Variants in E2F3 observed in about 807,000 individuals in gnomAD.
The protein encoded by E2F3 is E2F transcription factor 3.
A neutral mutation model predicts 44.4 loss-of-function variants in E2F3; 11 were observed. The ratio of observed to expected loss-of-function variants is 0.25; its 90% CI spans 0.16 to 0.41. The LOEUF (loss-of-function observed/expected upper bound fraction) is 0.41, where lower values mean the gene tolerates loss of function less well. Among genes scored for constraint, E2F3 ranks in the 10% least tolerant of loss-of-function variants. E2F3 has a pLI of 1.00. For synonymous variants in E2F3, 249 were observed against 253.0 expected, an observed-to-expected ratio of 0.98 and a Z score of 0.15; for missense variants, 487 against 583.6, an observed-to-expected ratio of 0.83 and a Z score of 1.70.
chr6:20,465,466 T>C (rs947189271), intron 1 of E2F3, among the ~76,000 whole-genome samples: 1 of 152,104 alleles, frequency 6.6e-6, no homozygotes, highest in African/African-American at 2.4e-5. Context: ...TTCATCCCAA[T>C]TTTTTTTATT....
chr6:20,491,190 T>C lies in E2F3; in HGVS notation c.*760T>C, dbSNP rs973866112. 4.3e-6 allele frequency: 1 copy of C among 232,840 alleles called. No homozygotes were observed. The highest frequency in any genetic ancestry group is 8.5e-6 in the Non-Finnish European group (1 of 117,492). 14.4% of individuals were successfully genotyped at this position (232,840 alleles called of 1,614,324 possible). ...CCCCAATGTGTTTGTGAGTTTCCAGTTGATTTGTAGCAAATGCCTACTTAG... is the reference window on the plus strand; with the variant it reads ...CCCCAATGTGTTTGTGAGTTTCCAGCTGATTTGTAGCAAATGCCTACTTAG... On this transcript the variant is annotated 3_prime_UTR_variant, in exon 7 of 7. Coordinates refer to ENST00000346618, the MANE Select transcript of E2F3 (RefSeq NM_001949.5).
chr6:20,443,042 G>C (rs537350163), intron 1 of E2F3, among the ~76,000 whole-genome samples: 3 of 152,218 alleles, frequency 2.0e-5, no homozygotes, highest in African/African-American at 7.2e-5. Context: ...TGGCTCATGG[G>C]CACCACCATC....
intron 3 of E2F3, among the ~76,000 whole-genome samples, chr6:20,482,034 C>T (rs1762239433): frequency 6.6e-6 from 1 of 152,098 alleles, no homozygotes; most frequent in Admixed American, 6.6e-5. Flanking sequence ...TAAATAGCCA[C>T]TATAAGCACA....
chr6:20,452,051 G>A (rs755234208), intron 1 of E2F3, among the ~76,000 whole-genome samples: 10 of 152,150 alleles, frequency 6.6e-5, no homozygotes, highest in Admixed American at 1.3e-4. Flanking sequence ...GGTATAAGGA[G>A]GATGCTAGCC....
chr6:20,449,424 A>G (rs574003439), intron 1 of E2F3, among the ~76,000 whole-genome samples: 117 of 152,318 alleles, frequency 7.7e-4, no homozygotes, highest in African/African-American at 2.7e-3. Flanking sequence ...TTGTTTTTAC[A>G]TGGAATCATA....
intron 3 of E2F3, 120 bp downstream of exon 3, chr6:20,481,545 T>C: frequency 1.2e-6 from 1 of 866,164 alleles, no homozygotes; most frequent in Non-Finnish European, 1.8e-6. Context: ...TCCTACTGTT[T>C]TCTTCTCTCT....
At chr6:20,445,156 G>C in intron 1 of E2F3, 1 of 985,162 alleles carries the variant, frequency 1.0e-6, no homozygotes, top group Non-Finnish European at 1.2e-6. Context: ...TGGCAGCAGC[G>C]CCTTGTACTT....
In E2F3 at chr6:20,402,168, A is replaced by G; in HGVS notation, c.-65A>G. 1 of 1,489,090 alleles carries G rather than the reference A, an allele frequency of 6.7e-7. No homozygotes were observed. The highest frequency in any genetic ancestry group is 1.4e-5 in the South Asian group (1 of 72,164). The allele number at this position is 1,489,090 out of a possible 1,614,324, so 92.2% of individuals were successfully genotyped here. A position where few individuals can be genotyped will look rare whatever the true frequency, so the allele number is the denominator to read the frequency against. On this transcript the variant is annotated 5_prime_UTR_variant, in exon 1 of 7. Transcript: ENST00000346618. The surrounding 1 kb of genome is among the most constrained non-coding windows in gnomAD (Gnocchi z 5.6). ...GAGAGACTTGGAAACTCCGACTGCA[A>G]ATAATAAAGAAATTGAAAACAATAC...
chr6:20,431,254 G>T (rs373504277), intron 1 of E2F3, among the ~76,000 whole-genome samples: 1 of 152,222 alleles, frequency 6.6e-6, no homozygotes, highest in African/African-American at 2.4e-5. Context: ...CCTCAAATGG[G>T]TCCATTGCAG....
At chr6:20,441,725 A>ATTTTT (rs70990031) in intron 1 of E2F3, among the ~76,000 whole-genome samples, 2 of 119,362 alleles carry the variant, frequency 1.7e-5, no homozygotes, top group African/African-American at 3.1e-5. Context: ...CGCGTGGGTA[A>ATTTTT]TTTTTTTTTT....
chr6:20,463,076 C>T (rs1423363693), intron 1 of E2F3, among the ~76,000 whole-genome samples: 2 of 151,640 alleles, frequency 1.3e-5, no homozygotes, highest in East Asian at 3.9e-4. Context: ...GTGTGCACCA[C>T]CAGACTTGGC....
At chr6:20,454,640 A>G (rs1430376204) in intron 1 of E2F3, among the ~76,000 whole-genome samples, 1 of 152,176 alleles carries the variant, frequency 6.6e-6, no homozygotes, top group Non-Finnish European at 1.5e-5. Flanking sequence ...GGTTTCTATA[A>G]TATGCTAAGG....
chr6:20,425,926 A>G (rs1358791282), intron 1 of E2F3, among the ~76,000 whole-genome samples: 1 of 152,224 alleles, frequency 6.6e-6, no homozygotes, highest in Non-Finnish European at 1.5e-5. Flanking sequence ...GAACATCAGA[A>G]AAGTAATTTT....
intron 1 of E2F3, among the ~76,000 whole-genome samples, chr6:20,410,345 C>G (rs1388111666): frequency 6.6e-6 from 1 of 152,186 alleles, no homozygotes; most frequent in Non-Finnish European, 1.5e-5. Flanking sequence ...TAGCCTGGAG[C>G]CAGAGTGCCT....
chr6:20,485,885 TTTACTTGGTGGCTGCTGACAC>T (rs1762375871), intron 4 of E2F3, among the ~76,000 whole-genome samples: 1 of 152,204 alleles, frequency 6.6e-6, no homozygotes, highest in Non-Finnish European at 1.5e-5. Flanking sequence ...TACTTATTTA[TTTACTTGGTGGCTGCTGACAC>T]TTGCTTGTAG....
chr6:20,401,946 C>T lies in E2F3; in HGVS notation c.-287C>T, dbSNP rs184657461. Reference sequence around the variant, plus strand: ...CCGGCCGCAGCACCCGGGCTGCCGCCGCCGCCTCGCAATCCGTTGCATCGG... The same window carrying T: ...CCGGCCGCAGCACCCGGGCTGCCGCTGCCGCCTCGCAATCCGTTGCATCGG... On this transcript the variant is annotated 5_prime_UTR_variant, in exon 1 of 7. Transcript: ENST00000346618. 4.1e-3 allele frequency: 1,681 copies of T among 414,608 alleles called. 28 individuals are homozygous for T. Among genetic ancestry groups the T allele is most frequent in the African/African-American group, 0.031 (1,497 of 48,506 alleles). The allele number at this position is 414,608 out of a possible 1,614,324, so 25.7% of individuals were successfully genotyped here.
chr6:20,403,186 G>C (rs1759367915), intron 1 of E2F3, among the ~76,000 whole-genome samples: 1 of 151,612 alleles, frequency 6.6e-6, no homozygotes, highest in South Asian at 2.1e-4. Flanking sequence ...TGTAACTCCC[G>C]GCAACAAAGG....
intron 1 of E2F3, among the ~76,000 whole-genome samples, chr6:20,414,258 G>A (rs1012968555): frequency 1.3e-4 from 20 of 152,150 alleles, no homozygotes; most frequent in Non-Finnish European, 2.5e-4. Context: ...TTTGGGGATC[G>A]ATGCTGTCAG....
At position 20,417,139 on chromosome 6, in the gene E2F3, T is replaced by G. The variant is rs186905270; in HGVS notation, c.393+14514T>G. ...AAAATTTTTATAGCTGCAATCAAAT[T>G]GCCAACTGGATGGACAAGGCTTATC... On this transcript the variant is annotated intron_variant, in intron 1 of 6. Coordinates refer to ENST00000346618, the MANE Select transcript of E2F3 (RefSeq NM_001949.5). Among the ~76,000 whole-genome samples the G allele has an allele frequency of 2.0e-5, 3 of 152,350 alleles. No homozygotes were observed. In the East Asian group the frequency reaches 5.8e-4, roughly 29 times the overall value.
Sources: gnomAD v4.1 joint callset for allele counts (sites outside exome capture counted in the v4.1 genomes callset) on GRCh38, gnomAD v4.1.1 for gene constraint, Gnocchi (gnomAD v3.1) non-coding constraint, MANE v1.5 for transcripts, NCBI Gene and HGNC (gene_info 2026-07-23, HGNC 2026-07-21) for gene names.